RABGGTB: variants seen among roughly 807,000 people sequenced by gnomAD.
RABGGTB encodes the protein Rab geranylgeranyltransferase subunit beta.
A neutral mutation model predicts 44.5 loss-of-function variants in RABGGTB; 20 were observed. The ratio of observed to expected loss-of-function variants is 0.45; its 90% CI spans 0.32 to 0.65. RABGGTB has a LOEUF of 0.65. RABGGTB is among the 30% of genes least tolerant of loss of function. The pLI is 0.05. For missense variants in RABGGTB, 302 were observed against 398.7 expected, an observed-to-expected ratio of 0.76 and a Z score of 2.06; for synonymous variants, 128 against 136.7, an observed-to-expected ratio of 0.94 and a Z score of 0.44.
At chr1:75,792,961 G>A (rs1649683056) in intron 7 of RABGGTB, among the ~76,000 whole-genome samples, 1 of 152,080 alleles carries the variant, frequency 6.6e-6, no homozygotes, top group African/African-American at 2.4e-5. Context: ...AAGTAGCTGG[G>A]ACTACAGGCG....
At chr1:75,789,491 T>C (rs747409014) in intron 3 of RABGGTB, 135 bp downstream of exon 3, 1 of 902,740 alleles carries the variant, frequency 1.1e-6, no homozygotes, top group Non-Finnish European at 1.9e-6. Flanking sequence ...AATGATGTAA[T>C]GGCATGTATT....
At chr1:75,787,279 G>A in intron 1 of RABGGTB, 1 of 623,478 alleles carries the variant, frequency 1.6e-6, no homozygotes, top group East Asian at 2.8e-5. Context: ...CCAGGATGGA[G>A]TGCAGTGACA....
At chr1:75,786,244 A>G (rs1318484504), upstream of RABGGTB, 1 of 1,614,042 alleles carries the variant, frequency 6.2e-7, no homozygotes, top group East Asian at 2.2e-5. Flanking sequence ...CCAGGAACTG[A>G]CCCTGCTCTC....
chr1:75,790,242 A>C (rs1477599583), intron 4 of RABGGTB, 185 bp downstream of exon 4: 1 of 1,310,300 alleles, frequency 7.6e-7, no homozygotes, highest in Non-Finnish European at 9.7e-7. Flanking sequence ...ATACAGGAGC[A>C]CTGGAACAGA....
rs1258406870 is a variant in RABGGTB at position 75,792,230 on chromosome 1, T to G, written c.629T>G (p.Val210Gly). 6.2e-7 allele frequency: 1 copy of G among 1,613,940 alleles called. No homozygotes were observed. Among genetic ancestry groups the G allele is most frequent in the Non-Finnish European group, 8.5e-7 (1 of 1,179,922 alleles). ...FLAITSQLHQ[V>G]NSDLLGWWLC... ...GCAATTACAAGTCAGTTGCATCAAG[T>G]AAATTCTGATTTACTTGGCTGGTGG... Residue 210 changes from valine to glycine, a missense_variant, in exon 7 of 9, where the codon GTA becomes GGA. Physicochemically the swap from Val to Gly is moderately radical, Grantham distance 109. Coordinates refer to ENST00000319942, the MANE Select transcript of RABGGTB (RefSeq NM_004582.4).
In RABGGTB at chr1:75,791,354, T is replaced by G; in HGVS notation, c.468+17T>G. ...GCTTTGTTGGTAAGCTTTGAATATT[T>G]GATTGAAATGATTAAAGTTCATGAA... is the stretch of plus-strand genomic sequence containing the variant. On this transcript the variant is annotated intron_variant, in intron 5 of 8. Coordinates refer to ENST00000319942, the MANE Select transcript of RABGGTB (RefSeq NM_004582.4). 1.9e-6 allele frequency: 3 copies of G among 1,603,774 alleles called. No homozygotes were observed. The highest frequency in any genetic ancestry group is 1.7e-6 in the Non-Finnish European group (2 of 1,170,868).
Position 75,787,565 on chromosome 1 carries a change from A to G in RABGGTB, c.72A>G (p.Ala24=). Residue 24 remains alanine, a synonymous_variant, in exon 2 of 9, where the codon GCA becomes GCG. Transcript: ENST00000319942. ...APDTLLLEKH[A]DYIASYGSKK... is the part of the protein sequence containing the mutation. ...ACACTTTGTTATTGGAGAAACATGC[A>G]GATTATATCGCATCCTATGGCTCAA... 1 of 1,613,750 alleles carries G rather than the reference A, an allele frequency of 6.2e-7. No individual in the cohort carries two copies. Among genetic ancestry groups the G allele is most frequent in the Non-Finnish European group, 8.5e-7 (1 of 1,179,616 alleles).
In RABGGTB at chr1:75,792,311, T is replaced by C; in HGVS notation, c.705+5T>C. ...CTCAATGGAAGGCCGGAGAAGGTATTGTTTGATAAGCCATATTCTGCTAGC... is the reference window on the plus strand; with the variant it reads ...CTCAATGGAAGGCCGGAGAAGGTATCGTTTGATAAGCCATATTCTGCTAGC... On this transcript the variant is annotated splice_donor_5th_base_variant and intron_variant, in intron 7 of 8. Coordinates refer to ENST00000319942, the MANE Select transcript of RABGGTB (RefSeq NM_004582.4). 1 of 1,613,636 alleles carries C rather than the reference T, an allele frequency of 6.2e-7. No homozygotes were observed. Among genetic ancestry groups the C allele is most frequent in the Non-Finnish European group, 8.5e-7 (1 of 1,179,618 alleles).
Position 75,794,497 on chromosome 1 carries a change from C to G in RABGGTB, c.856-13C>G, listed in dbSNP as rs780801743. The G allele has an allele frequency of 3.1e-6, 5 of 1,603,850 alleles. No homozygotes were observed. Among genetic ancestry groups the G allele is most frequent in the Non-Finnish European group, 4.3e-6 (5 of 1,174,600 alleles). On this transcript the variant is annotated splice_polypyrimidine_tract_variant and intron_variant, in intron 8 of 8. Coordinates refer to ENST00000319942, the MANE Select transcript of RABGGTB (RefSeq NM_004582.4). The stretch of plus-strand genomic sequence containing the variant: ...TCATTTTGTGATCTGTATATAAATT[C>G]TTTTTTAAATAGGTGGATCCTTTTC...
chr1:75,790,762 T>A (rs1425825437), intron 4 of RABGGTB, among the ~76,000 whole-genome samples: 1 of 152,102 alleles, frequency 6.6e-6, no homozygotes, highest in Non-Finnish European at 1.5e-5. Context: ...CACTGCAACC[T>A]CCACCTCCCA....
In RABGGTB at chr1:75,791,368, A is replaced by G. The variant is rs202132625; in HGVS notation, c.468+31A>G. On this transcript the variant is annotated intron_variant, in intron 5 of 8. Transcript: ENST00000319942. ...CTTTGAATATTTGATTGAAATGATTAAAGTTCATGAATACTCTGGAATTTT... is the reference window on the plus strand; with the variant it reads ...CTTTGAATATTTGATTGAAATGATTGAAGTTCATGAATACTCTGGAATTTT... The G allele has an allele frequency of 2.1e-4, 331 of 1,598,346 alleles. 3 individuals are homozygous for G. In the Middle Eastern group the frequency reaches 0.014, roughly 69 times the overall value.
At chr1:75,790,491 G>T (rs1384218793) in intron 4 of RABGGTB, 1 of 1,028,046 alleles carries the variant, frequency 9.7e-7, no homozygotes, top group Non-Finnish European at 1.2e-6. Flanking sequence ...TTCATGGGAT[G>T]TGAAAAATCT....
chr1:75,789,249 A>G lies in RABGGTB; in HGVS notation c.202A>G (p.Arg68Gly). ...CATGGGACAACTTCATCGCATGAAT[A>G]GAGAAGAGATTCTGGCATTTATTAA... ...DLMGQLHRMN[R>G]EEILAFIKSC... Residue 68 changes from arginine to glycine, a missense_variant, in exon 3 of 9, where the codon AGA becomes GGA. This residue lies in a region of RABGGTB where 213 missense variants were observed against 323.7 expected (regional missense o/e 0.66). Transcript: ENST00000319942. The G allele has an allele frequency of 2.5e-6, 4 of 1,614,072 alleles. No individual in the cohort carries two copies. The highest frequency in any genetic ancestry group is 4.5e-5 in the East Asian group (2 of 44,858).
At chr1:75,790,671 G>T (rs2100487287) in intron 4 of RABGGTB, among the ~76,000 whole-genome samples, 1 of 152,180 alleles carries the variant, frequency 6.6e-6, no homozygotes, top group East Asian at 1.9e-4. Flanking sequence ...GTCCAGGTTG[G>T]AGTGCAGTAT....
intron 6 of RABGGTB, 62 bp from the exon 7 acceptor site, chr1:75,792,119 G>A: frequency 7.0e-7 from 1 of 1,433,662 alleles, no homozygotes; most frequent in Non-Finnish European, 9.6e-7. Context: ...AATAATTTGA[G>A]TTTTATCACT....
In RABGGTB at chr1:75,794,602, T is replaced by C. The variant is rs1459735950; in HGVS notation, c.948T>C (p.Pro316=). ...IKPVNPVFCM[P]EEVLQRVNVQ... is the part of the protein sequence containing the mutation. ...CTGTTAATCCTGTCTTTTGCATGCC[T>C]GAAGAAGTGCTTCAGAGAGTGAATG... The change falls in exon 9 of 9, where the codon CCT becomes CCC. Residue 316 remains proline (P), a synonymous_variant. Coordinates refer to ENST00000319942, the MANE Select transcript of RABGGTB (RefSeq NM_004582.4). 2.5e-6 allele frequency: 4 copies of C among 1,613,146 alleles called. No homozygotes were observed. The highest frequency in any genetic ancestry group is 4.5e-5 in the East Asian group (2 of 44,830).
rs940941249 is a variant in RABGGTB at position 75,794,384 on chromosome 1, A to G, written c.856-126A>G. The G allele has an allele frequency of 1.2e-4, 162 of 1,308,890 alleles. No individual in the cohort carries two copies. The African/African-American group carries it at 2.2e-3, about 18-fold the overall frequency. The allele number at this position is 1,308,890 out of a possible 1,614,324, so 81.1% of individuals were successfully genotyped here. A position where few individuals can be genotyped will look rare whatever the true frequency, so the allele number is the denominator to read the frequency against. ...TAGAGTGTATGAAGGATATAGAACA[A>G]TCTTACAGAAATTTCTTGTCGCTTG... On this transcript the variant is annotated intron_variant, in intron 8 of 8. Coordinates refer to ENST00000319942, the MANE Select transcript of RABGGTB (RefSeq NM_004582.4).
chr1:75,788,325 C>T (rs1649551072), intron 2 of RABGGTB: 2 of 166,860 alleles, frequency 1.2e-5, no homozygotes, highest in South Asian at 1.5e-4. Context: ...CTTTTGAGAG[C>T]TATAACCTCA....
intron 7 of RABGGTB, among the ~76,000 whole-genome samples, chr1:75,792,560 G>A (rs912213070): frequency 1.3e-5 from 2 of 152,136 alleles, no homozygotes; most frequent in African/African-American, 4.8e-5. Context: ...AAGGACAGTT[G>A]ATTTTGGCAA....
Sources: gnomAD v4.1 joint callset for allele counts (sites outside exome capture counted in the v4.1 genomes callset) on GRCh38, gnomAD v4.1.1 for gene constraint, gnomAD v4.1.1 regional missense constraint, MANE v1.5 for transcripts, NCBI Gene and HGNC (gene_info 2026-07-23, HGNC 2026-07-21) for gene names.